PTPRD: variants seen among roughly 807,000 people sequenced by gnomAD.
PTPRD encodes protein tyrosine phosphatase receptor type D.
A neutral mutation model predicts 214.5 loss-of-function variants in PTPRD; 34 were observed. The ratio of observed to expected loss-of-function variants is 0.16; its 90% CI spans 0.12 to 0.21. PTPRD has a LOEUF of 0.21. Among genes scored for constraint, PTPRD ranks in the 10% least tolerant of loss-of-function variants. The pLI, the probability that PTPRD is intolerant of heterozygous loss-of-function variation, is 1.00. For synonymous variants in PTPRD, 1,128 were observed against 845.7 expected (o/e 1.33, Z -5.79); for missense variants, 2,545 against 2,398.7 (o/e 1.06, Z -1.27).
At chr9:9,492,083 T>C (rs1265095747) in intron 8 of PTPRD, among the ~76,000 whole-genome samples, 3 of 151,476 alleles carry the variant, frequency 2.0e-5, no homozygotes, top group Non-Finnish European at 2.9e-5. Flanking sequence ...TATACAGAAA[T>C]AAAAAGGATT....
At chr9:8,892,010 A>C (rs1253368814) in intron 11 of PTPRD, among the ~76,000 whole-genome samples, 1 of 152,050 alleles carries the variant, frequency 6.6e-6, no homozygotes, top group Non-Finnish European at 1.5e-5. Context: ...TTATTCGTTC[A>C]CATACTCTCC....
chr9:8,496,103 A>C (rs900115969), intron 26 of PTPRD, among the ~76,000 whole-genome samples: 1 of 151,384 alleles, frequency 6.6e-6, no homozygotes, highest in African/African-American at 2.4e-5. Flanking sequence ...CACATGCTCA[A>C]CTGTCTCAAT....
intron 2 of PTPRD, among the ~76,000 whole-genome samples, chr9:10,468,335 T>C (rs1318056619): frequency 6.6e-6 from 1 of 151,834 alleles, no homozygotes; most frequent in Non-Finnish European, 1.5e-5. Context: ...AAAGGATGAG[T>C]TCATGTCCTT....
intron 3 of PTPRD, among the ~76,000 whole-genome samples, chr9:10,277,830 G>A (rs903109689): frequency 6.6e-6 from 1 of 152,036 alleles, no homozygotes; most frequent in African/African-American, 2.4e-5. Context: ...TCTGGCAACT[G>A]GCCCACAGGC....
chr9:9,740,498 T>C (rs754159169), intron 6 of PTPRD, among the ~76,000 whole-genome samples: 51 of 148,198 alleles, frequency 3.4e-4, no homozygotes, highest in Middle Eastern at 3.4e-3. Flanking sequence ...GCTGGGACTA[T>C]AGGCGCCCGC....
intron 12 of PTPRD, among the ~76,000 whole-genome samples, chr9:8,729,590 T>C (rs758285543): frequency 6.6e-6 from 1 of 152,188 alleles, no homozygotes; most frequent in Non-Finnish European, 1.5e-5. Context: ...TTCTTTTAAT[T>C]CAGCAAATCC....
chr9:10,529,332 A>G (rs2055365540), intron 2 of PTPRD, among the ~76,000 whole-genome samples: 1 of 152,298 alleles, frequency 6.6e-6, no homozygotes, highest in Non-Finnish European at 1.5e-5. Flanking sequence ...TTGCCCATCA[A>G]GGTTAGACTG....
intron 8 of PTPRD, among the ~76,000 whole-genome samples, chr9:9,527,305 G>A (rs2074351650): frequency 6.6e-6 from 1 of 152,150 alleles, no homozygotes; most frequent in Admixed American, 6.5e-5. Context: ...AAAGCAAGGT[G>A]TATTTTGTTA....
intron 3 of PTPRD, among the ~76,000 whole-genome samples, chr9:10,280,553 C>G: frequency 6.6e-6 from 1 of 152,146 alleles, no homozygotes; most frequent in East Asian, 1.9e-4. Context: ...GATCCTGTTA[C>G]TGGGCTCCAC....
At chr9:10,556,510 G>A (rs888652314) in intron 2 of PTPRD, among the ~76,000 whole-genome samples, 1 of 151,996 alleles carries the variant, frequency 6.6e-6, no homozygotes, top group South Asian at 2.1e-4. Flanking sequence ...AATACTGAGA[G>A]TCACGTGGTG....
chr9:8,956,627 T>A (rs959258364), intron 11 of PTPRD, among the ~76,000 whole-genome samples: 1 of 151,836 alleles, frequency 6.6e-6, no homozygotes, highest in Non-Finnish European at 1.5e-5. Flanking sequence ...GGATCAAGGA[T>A]TGGAGCTATG....
At chr9:9,989,509 C>T (rs891251404) in intron 4 of PTPRD, among the ~76,000 whole-genome samples, 1 of 152,066 alleles carries the variant, frequency 6.6e-6, no homozygotes, top group Non-Finnish European at 1.5e-5. Context: ...CTGGGACAGC[C>T]GAACTCCATT....
At chr9:8,376,489 T>G (rs1376374353) in intron 38 of PTPRD, 118 bp downstream of exon 38, 8 of 1,421,782 alleles carry the variant, frequency 5.6e-6, no homozygotes, top group Non-Finnish European at 7.8e-6. Context: ...ATTTCATTCT[T>G]CACTGTTGCC....
chr9:10,069,630 G>A (rs939423084), intron 3 of PTPRD, among the ~76,000 whole-genome samples: 1 of 151,876 alleles, frequency 6.6e-6, no homozygotes, highest in Admixed American at 6.6e-5. Context: ...AACATAATTA[G>A]CCACTGAGAC....
chr9:8,513,859 T>C (rs187699276), intron 21 of PTPRD, among the ~76,000 whole-genome samples: 2 of 152,238 alleles, frequency 1.3e-5, no homozygotes, highest in Non-Finnish European at 2.9e-5. Flanking sequence ...GAAGGTTTTC[T>C]TAGCTTATTG....
intron 39 of PTPRD, among the ~76,000 whole-genome samples, chr9:8,373,901 TCTATCTATCTATCTACCTACCTAC>T (rs796504561): frequency 3.6e-3 from 338 of 93,992 alleles, no homozygotes; most frequent in African/African-American, 0.017. Flanking sequence ...TATCTATCTA[TCTATCTATCTATCTACCTACCTAC>T]CTATCTCAGT....
intron 8 of PTPRD, among the ~76,000 whole-genome samples, chr9:9,571,617 G>A (rs1173614220): frequency 1.3e-5 from 2 of 150,854 alleles, no homozygotes; most frequent in African/African-American, 4.8e-5. Flanking sequence ...AATTCATTTA[G>A]GCTTAAAGTA....
chr9:9,087,720 A>C (rs367925813), intron 10 of PTPRD, among the ~76,000 whole-genome samples: 30 of 152,174 alleles, frequency 2.0e-4, no homozygotes, highest in African/African-American at 6.7e-4. Flanking sequence ...AGCTTGTAGT[A>C]ATTTTTCCAA....
chr9:10,068,833 A>G (rs1049358337), intron 3 of PTPRD, among the ~76,000 whole-genome samples: 3 of 151,972 alleles, frequency 2.0e-5, no homozygotes, highest in African/African-American at 7.2e-5. Flanking sequence ...TGTTTAGTAC[A>G]CATGTTGTCT....
Sources: gnomAD v4.1 joint callset for allele counts (sites outside exome capture counted in the v4.1 genomes callset) on GRCh38, gnomAD v4.1.1 for gene constraint, MANE v1.5 for transcripts, NCBI Gene and HGNC (gene_info 2026-07-23, HGNC 2026-07-21) for gene names.